The following IRAG1 variants were observed in gnomAD, a reference collection of about 807,000 sequenced individuals.
IRAG1 encodes inositol 1,4,5-triphosphate receptor associated 1, also known as IP3R-associated cGMP kinase substrate.
IRAG1 carries 62 observed loss-of-function variants against 106.2 expected under a neutral mutation model. The ratio of observed to expected loss-of-function variants is 0.58; its 90% CI spans 0.48 to 0.72. The LOEUF (loss-of-function observed/expected upper bound fraction) is 0.72, where lower values mean the gene tolerates loss of function less well. Among genes scored for constraint, IRAG1 ranks in the 30% least tolerant of loss-of-function variants. IRAG1 has a pLI of 0.00. For synonymous variants in IRAG1, 462 were observed against 443.9 expected, an observed-to-expected ratio of 1.04 and a Z score of -0.51; for missense variants, 1,064 against 1,140.7, an observed-to-expected ratio of 0.93 and a Z score of 0.97.
At chr11:10,676,673 T>C (rs1173353228) in intron 1 of IRAG1, among the ~76,000 whole-genome samples, 2 of 152,114 alleles carry the variant, frequency 1.3e-5, no homozygotes, top group African/African-American at 4.8e-5. Flanking sequence ...TGAGAATACA[T>C]CTAATGCCAA....
chr11:10,605,024 G>A (rs535654367), intron 12 of IRAG1, among the ~76,000 whole-genome samples: 12 of 152,328 alleles, frequency 7.9e-5, no homozygotes, highest in African/African-American at 2.6e-4. Context: ...CATCTAGCCC[G>A]AGTATTCCAA....
chr11:10,601,775 G>A (rs1854040196), intron 14 of IRAG1, among the ~76,000 whole-genome samples: 1 of 152,236 alleles, frequency 6.6e-6, no homozygotes, highest in African/African-American at 2.4e-5. Flanking sequence ...ACTCAAGGGA[G>A]TGAGACTGGT....
chr11:10,670,783 A>C (rs1433820917), intron 1 of IRAG1, among the ~76,000 whole-genome samples: 1 of 152,256 alleles, frequency 6.6e-6, no homozygotes, highest in African/African-American at 2.4e-5. Context: ...AGAGGCACCA[A>C]GGATGTGCCT....
At chr11:10,608,151 T>G (rs916763191) in intron 11 of IRAG1, among the ~76,000 whole-genome samples, 1 of 152,190 alleles carries the variant, frequency 6.6e-6, no homozygotes, top group Non-Finnish European at 1.5e-5. Flanking sequence ...GGTCTCGCTC[T>G]GCTGCCCAGG....
chr11:10,629,322 C>T (rs79026876), intron 5 of IRAG1, among the ~76,000 whole-genome samples: 10,303 of 152,202 alleles, frequency 0.068, 403 homozygotes, highest in Admixed American at 0.12. Flanking sequence ...CCCCAAAGAC[C>T]ATCTCCTCTT....
chr11:10,585,163 A>G (rs1301641760), intron 18 of IRAG1, among the ~76,000 whole-genome samples: 2 of 152,200 alleles, frequency 1.3e-5, no homozygotes, highest in East Asian at 3.9e-4. Context: ...AATTTTGCAG[A>G]TAAGTGACTG....
chr11:10,682,558 C>G (rs768792892), intron 1 of IRAG1, among the ~76,000 whole-genome samples: 1 of 152,094 alleles, frequency 6.6e-6, no homozygotes, highest in Non-Finnish European at 1.5e-5. Context: ...GTTGGCTATA[C>G]ATGGAGATAA....
rs532592176 is a variant in IRAG1, at chr11:10,616,970, G to C, written c.1447+6808C>G. The C allele has an allele frequency of 1.8e-4, 169 of 957,382 alleles. 2 individuals are homozygous for C. The South Asian group carries it at 7.5e-3, about 43-fold the overall frequency. 59.3% of individuals were successfully genotyped at this position (957,382 alleles called of 1,614,324 possible). On this transcript the variant is annotated intron_variant, in intron 10 of 20. Transcript: ENST00000423302. The stretch of plus-strand genomic sequence containing the variant: ...TTGGAAAAATTACTTTTGGAGCTCT[G>C]AAAGATGCTCTGAGTCCCAGGATGG...
intron 1 of IRAG1, among the ~76,000 whole-genome samples, chr11:10,682,068 G>C (rs1344284698): frequency 6.6e-6 from 1 of 152,114 alleles, no homozygotes; most frequent in African/African-American, 2.4e-5. Context: ...GAACTACTCA[G>C]CCTCACAAAG....
chr11:10,585,680 G>A (rs1161124782), intron 18 of IRAG1, among the ~76,000 whole-genome samples: 1 of 151,824 alleles, frequency 6.6e-6, no homozygotes, highest in East Asian at 2.0e-4. Context: ...TACAACCAGT[G>A]TGTGGTAGAG....
At chr11:10,629,904 T>C (rs1856556184) in intron 4 of IRAG1, 193 bp from the exon 5 acceptor site, 2 of 585,306 alleles carry the variant, frequency 3.4e-6, no homozygotes, top group South Asian at 2.2e-5. Context: ...CCCTATGGCT[T>C]ATGGCCTGTG....
rs778606461 is a variant in IRAG1 at position 10,626,569 on chromosome 11, C to A, written c.765G>T (p.Gly255=). Residue 255 remains glycine (G), a synonymous_variant, in exon 9 of 21, where the codon GGG becomes GGT. Transcript: ENST00000423302. ...PHPGEPNVPK[G]LADRKQNDQR... is the part of the protein sequence containing the mutation. ...GGTCATTCTGCTTCCTGTCAGCTAG[C>A]CCTTTGGGGACGTTCTGAAAAAGAC... 6.2e-7 allele frequency: 1 copy of A among 1,605,188 alleles called. No homozygotes were observed. The highest frequency in any genetic ancestry group is 1.1e-5 in the South Asian group (1 of 90,266).
In IRAG1 at chr11:10,651,425, C is replaced by G. The variant is rs545331352; in HGVS notation, c.225+600G>C. Reference sequence around the variant, plus strand: ...GTATAATAAATAAATATACCCACACCAAAATCAACATTTTATTCTTTCTTC... The same window carrying G: ...GTATAATAAATAAATATACCCACACGAAAATCAACATTTTATTCTTTCTTC... On this transcript the variant is annotated intron_variant, in intron 2 of 20. Coordinates refer to ENST00000423302, the MANE Select transcript of IRAG1 (RefSeq NM_130385.4). Among the ~76,000 whole-genome samples, 6 of 152,264 alleles carry G rather than the reference C, an allele frequency of 3.9e-5. No individual in the cohort carries two copies. The South Asian group carries it at 1.0e-3, about 26-fold the overall frequency.
chr11:10,651,589 A>C (rs1858511448), intron 2 of IRAG1, among the ~76,000 whole-genome samples: 1 of 152,208 alleles, frequency 6.6e-6, no homozygotes, highest in South Asian at 2.1e-4. Context: ...TTCTATAATA[A>C]AATTTCACTG....
At chr11:10,652,269 G>A in intron 1 of IRAG1, 87 bp from the exon 2 acceptor site, 2 of 1,572,440 alleles carry the variant, frequency 1.3e-6, no homozygotes, top group Non-Finnish European at 1.7e-6. Context: ...AAGCCACAGT[G>A]AGAGCCGGCT....
chr11:10,654,612 A>G (rs1181358760), intron 1 of IRAG1, among the ~76,000 whole-genome samples: 2 of 152,238 alleles, frequency 1.3e-5, no homozygotes, highest in Non-Finnish European at 2.9e-5. Context: ...AGGAACATAG[A>G]GCCCAGTGGT....
intron 2 of IRAG1, among the ~76,000 whole-genome samples, chr11:10,634,683 G>C (rs147169834): frequency 9.9e-5 from 15 of 151,738 alleles, no homozygotes; most frequent in Non-Finnish European, 8.8e-5. Flanking sequence ...TTAGCATAGT[G>C]TCCTGCAGGC....
intron 1 of IRAG1, among the ~76,000 whole-genome samples, chr11:10,676,276 C>T (rs531304702): frequency 1.3e-5 from 2 of 152,258 alleles, no homozygotes; most frequent in South Asian, 2.1e-4. Flanking sequence ...ACGGTTTCTC[C>T]GTCAGAATGG....
Position 10,576,170 on chromosome 11 carries a change from T to C in IRAG1, c.*162A>G, listed in dbSNP as rs1023849219. On this transcript the variant is annotated 3_prime_UTR_variant, in exon 21 of 21. Transcript: ENST00000423302. ...CCTCCAAGAACATCAAGTCACTGTG[T>C]ATGAATAGCTCCCACAGAAGTGCCG... 3 of 872,312 alleles carry C rather than the reference T, an allele frequency of 3.4e-6. No homozygotes were observed. Among genetic ancestry groups the C allele is most frequent in the African/African-American group, 3.4e-5 (2 of 58,858 alleles). The allele number at this position is 872,312 out of a possible 1,614,324, so 54.0% of individuals were successfully genotyped here. A position where few individuals can be genotyped will look rare whatever the true frequency, so the allele number is the denominator to read the frequency against.
Sources: gnomAD v4.1 joint callset for allele counts (sites outside exome capture counted in the v4.1 genomes callset) on GRCh38, gnomAD v4.1.1 for gene constraint, MANE v1.5 for transcripts, NCBI Gene and HGNC (gene_info 2026-07-23, HGNC 2026-07-21) for gene names.